The following ZNF366 variants were observed in gnomAD, a reference collection of about 807,000 sequenced individuals.
ZNF366 encodes the protein dendritic cell-specific transcript protein.
ZNF366 carries 20 observed loss-of-function variants against 47.2 expected under a neutral mutation model. That is an observed-to-expected ratio of 0.42 (90% CI 0.30 to 0.62). ZNF366 has a LOEUF of 0.62. Ranked by LOEUF, ZNF366 falls within the 20% of genes least tolerant of loss-of-function variation. The pLI is 0.16. For synonymous variants in ZNF366, 421 were observed against 395.1 expected (o/e 1.07, Z -0.78); for missense variants, 987 against 976.3 (o/e 1.01, Z -0.15).
At chr5:72,484,749 A>G (rs1440851345) in intron 1 of ZNF366, among the ~76,000 whole-genome samples, 1 of 152,178 alleles carries the variant, frequency 6.6e-6, no homozygotes, top group Non-Finnish European at 1.5e-5. Flanking sequence ...GATCATTAAG[A>G]CTGAAAGGGT....
At chr5:72,450,068 C>T (rs538648749) in intron 3 of ZNF366, among the ~76,000 whole-genome samples, 1 of 152,240 alleles carries the variant, frequency 6.6e-6, no homozygotes, top group East Asian at 1.9e-4. Context: ...TTGCTGAAGC[C>T]TTAGAAACTG....
At chr5:72,459,179 G>A (rs1444599765) in intron 2 of ZNF366, among the ~76,000 whole-genome samples, 2 of 152,230 alleles carry the variant, frequency 1.3e-5, no homozygotes, top group East Asian at 1.9e-4. Context: ...AACCTAAGAA[G>A]TGAAACGTAT....
chr5:72,504,560 C>CT (rs1407829065), intron 1 of ZNF366, among the ~76,000 whole-genome samples: 2 of 152,172 alleles, frequency 1.3e-5, no homozygotes, highest in Non-Finnish European at 2.9e-5. Context: ...ACTCTACACT[C>CT]TTTTATTTTA....
chr5:72,502,112 T>G (rs1023885773), intron 1 of ZNF366, among the ~76,000 whole-genome samples: 1 of 152,220 alleles, frequency 6.6e-6, no homozygotes, highest in Non-Finnish European at 1.5e-5. Context: ...AGCCCACTGA[T>G]TCATTAACTC....
At chr5:72,472,987 A>G (rs1039527899) in intron 1 of ZNF366, among the ~76,000 whole-genome samples, 5 of 152,176 alleles carry the variant, frequency 3.3e-5, no homozygotes, top group Admixed American at 3.3e-4. Context: ...CTCATGGGGT[A>G]TTGCATAATC....
At chr5:72,452,819 C>T (rs1351159603) in intron 3 of ZNF366, among the ~76,000 whole-genome samples, 1 of 152,194 alleles carries the variant, frequency 6.6e-6, no homozygotes, top group Non-Finnish European at 1.5e-5. Flanking sequence ...TGGTTCTTTG[C>T]TGTTATGGAG....
In ZNF366 at chr5:72,505,743, A is replaced by G. The variant is rs1744307184; in HGVS notation, c.-15+1508T>C. Among the ~76,000 whole-genome samples the G allele has an allele frequency of 2.0e-5, 3 of 152,264 alleles. 1 individual carries two copies. Among genetic ancestry groups the G allele is most frequent in the African/African-American group, 4.8e-5 (2 of 41,472 alleles). ...CTTCTGGGGCCACAGTTGCTGATAA[A>G]TGATGCAATAATGCCCTCGACAATC... On this transcript the variant is annotated intron_variant, in intron 1 of 4. Coordinates refer to ENST00000318442, the MANE Select transcript of ZNF366 (RefSeq NM_152625.3).
intron 4 of ZNF366, among the ~76,000 whole-genome samples, chr5:72,446,367 T>C (rs1332591684): frequency 6.6e-6 from 1 of 152,206 alleles, no homozygotes; most frequent in East Asian, 1.9e-4. Context: ...ACAGACATCC[T>C]AGAGGGCAGA....
intron 1 of ZNF366, 78 bp from the exon 2 acceptor site, chr5:72,461,588 TTATC>T (rs1743314960): frequency 6.7e-7 from 1 of 1,488,786 alleles, no homozygotes; most frequent in African/African-American, 1.4e-5. Flanking sequence ...TTATGGCTAT[TTATC>T]AGTACTAATT....
intron 2 of ZNF366, among the ~76,000 whole-genome samples, chr5:72,456,897 G>T (rs1414222908): frequency 6.6e-6 from 1 of 151,984 alleles, no homozygotes; most frequent in African/African-American, 2.4e-5. Context: ...AGTTCTTGAG[G>T]ATTAACAGGC....
chr5:72,480,380 T>C (rs1341056086), intron 1 of ZNF366, among the ~76,000 whole-genome samples: 2 of 152,192 alleles, frequency 1.3e-5, no homozygotes, highest in Non-Finnish European at 2.9e-5. Flanking sequence ...CCGTAACTTA[T>C]TTTCTGTTCC....
chr5:72,466,845 T>A (rs1743439763), intron 1 of ZNF366, among the ~76,000 whole-genome samples: 2 of 152,224 alleles, frequency 1.3e-5, no homozygotes, highest in African/African-American at 2.4e-5. Context: ...ACCCTCCTCA[T>A]CCAAGGGCAC....
At chr5:72,487,890 A>G (rs1561202702) in intron 1 of ZNF366, among the ~76,000 whole-genome samples, 1 of 152,158 alleles carries the variant, frequency 6.6e-6, no homozygotes, top group Non-Finnish European at 1.5e-5. Flanking sequence ...CCCATTAGAA[A>G]TAGGAAAGTC....
chr5:72,483,927 A>T (rs907505646), intron 1 of ZNF366, among the ~76,000 whole-genome samples: 5 of 148,688 alleles, frequency 3.4e-5, no homozygotes, highest in African/African-American at 1.2e-4. Context: ...AGATCTACTT[A>T]AAAAAAAAAC....
At chr5:72,467,485 T>C (rs1242607820) in intron 1 of ZNF366, among the ~76,000 whole-genome samples, 1 of 152,222 alleles carries the variant, frequency 6.6e-6, no homozygotes, top group Non-Finnish European at 1.5e-5. Flanking sequence ...TAATGGTCTT[T>C]AATTGGGAAA....
chr5:72,461,187 TCTC>T lies in ZNF366; in HGVS notation c.307_309del (p.Glu103del). On this transcript the variant is annotated inframe_deletion, in exon 2 of 5. Transcript: ENST00000318442. ...AGGTTGGGAAGGCCGTGGTTTTTGT[TCTC>T]CTCTGAGTGGAGGGCGAGGGTGACT... 1 of 1,614,066 alleles carries T rather than the reference TCTC, an allele frequency of 6.2e-7. No individual in the cohort carries two copies. The highest frequency in any genetic ancestry group is 1.1e-5 in the South Asian group (1 of 91,078).
chr5:72,447,369 G>T lies in ZNF366; in HGVS notation c.1573C>A (p.His525Asn), dbSNP rs537047494. Residue 525 changes from histidine to asparagine, a missense_variant, in exon 4 of 5, where the codon CAC becomes AAC. By Grantham distance (68) the His-to-Asn change is moderately conservative. Transcript: ENST00000318442. ...AAGGGTTTGCTGTCTGAGTGCAGGT[G>T]CATGTGGCCCATCAGGTTGTGCATC... ...NRMHNLMGHM[H>N]LHSDSKPFKC... is the part of the protein sequence containing the mutation. The T allele has an allele frequency of 6.2e-7, 1 of 1,614,218 alleles. No individual in the cohort carries two copies. Among genetic ancestry groups the T allele is most frequent in the South Asian group, 1.1e-5 (1 of 91,084 alleles).
At chr5:72,464,377 C>G (rs1743390243) in intron 1 of ZNF366, among the ~76,000 whole-genome samples, 1 of 152,102 alleles carries the variant, frequency 6.6e-6, no homozygotes, top group African/African-American at 2.4e-5. Flanking sequence ...GTTATTATTG[C>G]CTTTGTTTAA....
Position 72,460,482 on chromosome 5 carries a change from A to G in ZNF366, c.1015T>C (p.Cys339Arg), listed in dbSNP as rs1743281093. 1 of 1,613,816 alleles carries G rather than the reference A, an allele frequency of 6.2e-7. No homozygotes were observed. The highest frequency in any genetic ancestry group is 1.3e-5 in the African/African-American group (1 of 74,938). ...GCAAAGCCGCGGCCGCACACGCGGC[A>G]GTTGTGCGGCTTCACCTCGCTGTGC... Reference protein sequence around the residue: ...MQHSEVKPHNCRVCGRGFAYP... With the variant: ...MQHSEVKPHNRRVCGRGFAYP... The change falls in exon 2 of 5, where the codon TGC becomes CGC. Residue 339 changes from cysteine to arginine, a missense_variant. This residue lies in a region of ZNF366 where 591 missense variants were observed against 560.9 expected (regional missense o/e 1.05). Coordinates refer to ENST00000318442, the MANE Select transcript of ZNF366 (RefSeq NM_152625.3).
Sources: allele counts gnomAD v4.1 joint callset (sites outside exome capture counted in the v4.1 genomes callset), GRCh38; gene constraint gnomAD v4.1.1; regional missense constraint gnomAD v4.1.1; transcripts MANE v1.5; gene names NCBI Gene and HGNC (gene_info 2026-07-23, HGNC 2026-07-21).